The following CEP128 variants were observed in gnomAD, a reference collection of about 807,000 sequenced individuals.
CEP128 encodes the protein centrosomal protein 128kDa.
CEP128 carries 132 observed loss-of-function variants against 156.7 expected under a neutral mutation model. That is an observed-to-expected ratio of 0.84 (90% CI 0.73 to 0.97). CEP128 has a LOEUF of 0.97. CEP128 is among the 50% of genes least tolerant of loss of function. The pLI, the probability that CEP128 is intolerant of heterozygous loss-of-function variation, is 0.00. For missense variants in CEP128, 1,252 were observed against 1,281.9 expected, an observed-to-expected ratio of 0.98 and a Z score of 0.36; for synonymous variants, 469 against 448.9, an observed-to-expected ratio of 1.04 and a Z score of -0.57.
downstream of CEP128, among the ~76,000 whole-genome samples, chr14:80,493,954 G>C (rs1887410038): frequency 6.6e-6 from 1 of 152,166 alleles, no homozygotes; most frequent in Non-Finnish European, 1.5e-5. Flanking sequence ...TCTGAAATTT[G>C]CTTGGGGGCT....
At chr14:80,822,521 A>T in intron 13 of CEP128, 1 of 645,730 alleles carries the variant, frequency 1.5e-6, no homozygotes, top group Non-Finnish European at 3.0e-6. Flanking sequence ...TCCTGCCGCC[A>T]CCATGCCCAA....
chr14:80,831,308 A>G lies in CEP128; in HGVS notation c.1058-14T>C, dbSNP rs1885783910. On this transcript the variant is annotated splice_polypyrimidine_tract_variant and intron_variant, in intron 12 of 24. Coordinates refer to ENST00000555265, the MANE Select transcript of CEP128 (RefSeq NM_152446.5). ...CCCGCTCAACCCCTTAAAAGATAAAATGTAAGGCTCAAGGGTTGTTCTTTA... is the reference window on the plus strand; with the variant it reads ...CCCGCTCAACCCCTTAAAAGATAAAGTGTAAGGCTCAAGGGTTGTTCTTTA... 2 of 1,613,516 alleles carry G rather than the reference A, an allele frequency of 1.2e-6. No individual in the cohort carries two copies. Among genetic ancestry groups the G allele is most frequent in the African/African-American group, 1.3e-5 (1 of 74,888 alleles).
At chr14:80,554,157 A>C (rs1191718750) in intron 21 of CEP128, among the ~76,000 whole-genome samples, 1 of 152,186 alleles carries the variant, frequency 6.6e-6, no homozygotes. Context: ...CTATGCTATA[A>C]ATTACATTGA....
chr14:80,736,820 C>T (rs888093086), intron 19 of CEP128, among the ~76,000 whole-genome samples: 19 of 152,136 alleles, frequency 1.2e-4, no homozygotes, highest in East Asian at 1.9e-4. Context: ...ATGTTGATTT[C>T]GCATTCAATC....
intron 2 of CEP128, among the ~76,000 whole-genome samples, chr14:80,919,310 A>T (rs1594846670): frequency 6.6e-6 from 1 of 152,304 alleles, no homozygotes; most frequent in Middle Eastern, 3.4e-3. Context: ...TTATAACTGA[A>T]ATTTGGGGAT....
At chr14:80,613,863 T>TA (rs908538676) in intron 19 of CEP128, among the ~76,000 whole-genome samples, 2 of 152,106 alleles carry the variant, frequency 1.3e-5, no homozygotes, top group African/African-American at 4.8e-5. Flanking sequence ...GAGTTCTTTA[T>TA]GATGGGCAGG....
chr14:80,935,365 G>A (rs1022974769), intron 2 of CEP128, among the ~76,000 whole-genome samples: 2 of 151,712 alleles, frequency 1.3e-5, no homozygotes, highest in African/African-American at 4.8e-5. Flanking sequence ...AGCCTGGCCA[G>A]CATGGTGAAA....
intron 11 of CEP128, 112 bp from the exon 12 acceptor site, chr14:80,836,449 G>T: frequency 8.8e-7 from 1 of 1,135,890 alleles, no homozygotes; most frequent in African/African-American, 1.6e-5. Flanking sequence ...TCCAAGCATA[G>T]TGGAACGGTT....
intron 18 of CEP128, among the ~76,000 whole-genome samples, chr14:80,747,607 G>A (rs1277880152): frequency 6.6e-6 from 1 of 152,168 alleles, no homozygotes; most frequent in Non-Finnish European, 1.5e-5. Context: ...AGGAGTTCGA[G>A]ACCAGCCTGA....
At chr14:80,852,388 G>A (rs938289421) in intron 9 of CEP128, among the ~76,000 whole-genome samples, 14 of 151,192 alleles carry the variant, frequency 9.3e-5, no homozygotes, top group Non-Finnish European at 1.8e-4. Context: ...GTATAACAAA[G>A]CATATGGTAA....
chr14:80,766,029 G>C (rs925775666), intron 16 of CEP128, among the ~76,000 whole-genome samples: 1 of 152,072 alleles, frequency 6.6e-6, no homozygotes, highest in Non-Finnish European at 1.5e-5. Flanking sequence ...TATCATAAAT[G>C]AAAATATATG....
intron 5 of CEP128, 138 bp from the exon 6 acceptor site, chr14:80,905,069 T>TTGC: frequency 1.7e-6 from 1 of 581,334 alleles, no homozygotes; most frequent in East Asian, 2.7e-5. Context: ...CCCAAGTATC[T>TTGC]TGCTATGGCC....
At chr14:80,731,235 A>C (rs1898256985) in intron 19 of CEP128, among the ~76,000 whole-genome samples, 1 of 152,180 alleles carries the variant, frequency 6.6e-6, no homozygotes, top group Admixed American at 6.6e-5. Flanking sequence ...TTGATATGCT[A>C]TATAGCAGTG....
At chr14:80,766,022 C>CAT (rs778379354) in intron 16 of CEP128, among the ~76,000 whole-genome samples, 399 of 152,286 alleles carry the variant, frequency 2.6e-3, no homozygotes, top group Non-Finnish European at 3.6e-3. Flanking sequence ...TGAGCCTTAT[C>CAT]ATAAATGAAA....
intron 19 of CEP128, among the ~76,000 whole-genome samples, chr14:80,701,742 G>C (rs533507022): frequency 6.6e-6 from 1 of 152,096 alleles, no homozygotes; most frequent in Non-Finnish European, 1.5e-5. Context: ...TGTTTCAATT[G>C]TTCAGGCAGA....
chr14:80,767,777 A>C (rs1166202578), intron 16 of CEP128, among the ~76,000 whole-genome samples: 1 of 152,170 alleles, frequency 6.6e-6, no homozygotes, highest in Non-Finnish European at 1.5e-5. Flanking sequence ...GAGCTAATAG[A>C]AAAAAGGAAT....
chr14:80,623,774 A>G (rs1893592409), intron 19 of CEP128, among the ~76,000 whole-genome samples: 1 of 152,126 alleles, frequency 6.6e-6, no homozygotes, highest in Admixed American at 6.5e-5. Context: ...TTCCAGAAGT[A>G]GATTTTTCCT....
intron 20 of CEP128, among the ~76,000 whole-genome samples, chr14:80,575,722 T>C (rs1256519196): frequency 1.3e-5 from 2 of 152,198 alleles, no homozygotes; most frequent in African/African-American, 4.8e-5. Flanking sequence ...TGGTAGCTAA[T>C]CCTCTCAAGA....
intron 19 of CEP128, among the ~76,000 whole-genome samples, chr14:80,660,217 T>A (rs895945366): frequency 2.6e-5 from 4 of 152,192 alleles, no homozygotes; most frequent in Non-Finnish European, 5.9e-5. Flanking sequence ...TATGAAAAGA[T>A]TTAAATAACA....
Sources: allele counts gnomAD v4.1 joint callset (sites outside exome capture counted in the v4.1 genomes callset), GRCh38; gene constraint gnomAD v4.1.1; transcripts MANE v1.5; gene names NCBI Gene and HGNC (gene_info 2026-07-23, HGNC 2026-07-21).